The following FANCB variants were observed in gnomAD, a reference collection of about 807,000 sequenced individuals.
FANCB encodes FA complementation group B.
FANCB carries 5 observed loss-of-function variants against 38.9 expected under a neutral mutation model. That is an observed-to-expected ratio of 0.13 (90% CI 0.07 to 0.27). The LOEUF (loss-of-function observed/expected upper bound fraction) is 0.27. Ranked by LOEUF, FANCB falls within the 10% of genes least tolerant of loss-of-function variation. FANCB has a pLI of 1.00. For synonymous variants in FANCB, 236 were observed against 215.4 expected, an observed-to-expected ratio of 1.10 and a Z score of -0.84; for missense variants, 573 against 602.7, an observed-to-expected ratio of 0.95 and a Z score of 0.52.
the FANCB span, among the ~76,000 whole-genome samples, chrX:14,696,280 C>T: frequency 9.2e-6 from 1 of 108,902 alleles, no homozygotes; most frequent in Admixed American, 9.8e-5. Flanking sequence ...GCAGTAGTTG[C>T]AGTGATGAAC....
chrX:14,829,901 G>A, the FANCB span, among the ~76,000 whole-genome samples: 1 of 112,231 alleles, frequency 8.9e-6, no homozygotes, highest in Non-Finnish European at 1.9e-5. Flanking sequence ...TTGCATTCAT[G>A]GGTTGGCTAA....
chrX:14,832,851 G>A (rs910763806), downstream of FANCB, among the ~76,000 whole-genome samples: 2 of 111,940 alleles, frequency 1.8e-5, no homozygotes, highest in Admixed American at 9.4e-5. Flanking sequence ...GAATCAAACT[G>A]ACTCAAGCTT....
downstream of FANCB, among the ~76,000 whole-genome samples, chrX:14,842,000 T>C (rs1269801305): frequency 1.2e-4 from 13 of 111,530 alleles, no homozygotes; most frequent in Non-Finnish European, 2.3e-4. Context: ...CTAAAATGAC[T>C]GTTTAGTTTT....
the FANCB span, among the ~76,000 whole-genome samples, chrX:14,815,316 T>C: frequency 4.0e-5 from 4 of 101,048 alleles, no homozygotes; most frequent in Non-Finnish European, 8.0e-5. Flanking sequence ...ACTTAAAGTA[T>C]AATTTAAAAA....
the FANCB span, among the ~76,000 whole-genome samples, chrX:14,691,435 G>T: frequency 9.0e-6 from 1 of 111,322 alleles, no homozygotes. Context: ...GATAAATCCA[G>T]TGAGACTGGC....
the FANCB span, among the ~76,000 whole-genome samples, chrX:14,824,315 A>G: frequency 9.0e-6 from 1 of 111,710 alleles, no homozygotes; most frequent in South Asian, 3.8e-4. Flanking sequence ...TGCATCTATC[A>G]TACACAAGTA....
chrX:14,787,539 T>C, the FANCB span, among the ~76,000 whole-genome samples: 22 of 110,756 alleles, frequency 2.0e-4, 1 homozygote, highest in Non-Finnish European at 3.6e-4. Context: ...AAGAAGACTT[T>C]AAATGTTTTC....
rs140198444 is a variant in FANCB at position 14,850,559 on chromosome X, C to T, written c.1442G>A (p.Arg481His). 134 of 1,197,198 alleles carry T rather than the reference C, an allele frequency of 1.1e-4. No individual in the cohort carries two copies. The African/African-American group carries it at 1.6e-3, about 14-fold the overall frequency. Residue 481 changes from arginine to histidine, a missense_variant, in exon 7 of 10, where the codon CGT (arginine) becomes CAT (histidine). Physicochemically the swap from Arg to His is conservative, Grantham distance 29. Coordinates refer to ENST00000650831, the MANE Select transcript of FANCB (RefSeq NM_001018113.3). ...SEQLVEKIWY[R>H]VIDDSLVVGV... ...AACAACCAAGCTATCATCTATTACA[C>T]GATACCATATCTTCTCTACTAGCTG...
chrX:14,817,177 G>T, the FANCB span, among the ~76,000 whole-genome samples: 1 of 111,262 alleles, frequency 9.0e-6, no homozygotes, highest in African/African-American at 3.3e-5. Flanking sequence ...CGGCCATTTG[G>T]AAAGAGGCTG....
the FANCB span, among the ~76,000 whole-genome samples, chrX:14,742,702 A>G: frequency 2.7e-5 from 3 of 112,309 alleles, no homozygotes; most frequent in South Asian, 1.1e-3. Flanking sequence ...GTAATTTTAA[A>G]TCATTGCCTA....
the FANCB span, among the ~76,000 whole-genome samples, chrX:14,771,542 T>A: frequency 8.9e-5 from 10 of 111,766 alleles, no homozygotes; most frequent in South Asian, 3.8e-4. Context: ...TGTACTGTTT[T>A]ATCATGATTC....
chrX:14,807,128 T>A, the FANCB span, among the ~76,000 whole-genome samples: 4 of 112,118 alleles, frequency 3.6e-5, no homozygotes, highest in Non-Finnish European at 5.6e-5. Flanking sequence ...CATAATAGAA[T>A]TTATATAATA....
At chrX:14,812,553 T>C in the FANCB span, among the ~76,000 whole-genome samples, 1 of 111,407 alleles carries the variant, frequency 9.0e-6, no homozygotes, top group South Asian at 3.7e-4. Flanking sequence ...ACAAATAAAC[T>C]AGAAAATCTA....
chrX:14,712,512 A>T, the FANCB span, among the ~76,000 whole-genome samples: 1 of 111,419 alleles, frequency 9.0e-6, no homozygotes, highest in Non-Finnish European at 1.9e-5. Context: ...AATTGAAAAA[A>T]AAAAAACTAT....
chrX:14,798,047 G>T, the FANCB span, among the ~76,000 whole-genome samples: 1 of 111,723 alleles, frequency 9.0e-6, no homozygotes, highest in African/African-American at 3.3e-5. Flanking sequence ...TCATGCAAGC[G>T]GGTGTGAAAA....
the FANCB span, among the ~76,000 whole-genome samples, chrX:14,815,615 T>G: frequency 8.9e-6 from 1 of 111,920 alleles, no homozygotes; most frequent in African/African-American, 3.2e-5. Context: ...TGGAGATTTC[T>G]CAAACAACTA....
intron 1 of FANCB, among the ~76,000 whole-genome samples, chrX:14,872,635 GC>G (rs199639756): frequency 1.4e-5 from 1 of 72,614 alleles, no homozygotes; most frequent in African/African-American, 5.4e-5. Context: ...TGGTAAAACC[GC>G]CCCCCCCACA....
chrX:14,834,625 C>T (rs1458101202), downstream of FANCB: 8 of 584,972 alleles, frequency 1.4e-5, no homozygotes, highest in East Asian at 2.0e-4. Flanking sequence ...ACGTCTTCTA[C>T]AGAACTAGGT....
the FANCB span, among the ~76,000 whole-genome samples, chrX:14,823,421 A>T: frequency 9.0e-6 from 1 of 111,640 alleles, no homozygotes; most frequent in East Asian, 2.8e-4. Flanking sequence ...TACTCTTTAA[A>T]ATATGTCTCT....
Sources: allele counts gnomAD v4.1 joint callset (sites outside exome capture counted in the v4.1 genomes callset), GRCh38; gene constraint gnomAD v4.1.1; transcripts MANE v1.5; gene names NCBI Gene and HGNC (gene_info 2026-07-23, HGNC 2026-07-21).